The following RGN variants were observed in gnomAD, a reference collection of about 807,000 sequenced individuals.
RGN encodes the protein regucalcin.
A neutral mutation model predicts 20.6 loss-of-function variants in RGN; 19 were observed. That is an observed-to-expected ratio of 0.92 (90% CI 0.64 to 1.35). The LOEUF is 1.35. Ranked by LOEUF, RGN falls within the 40% of genes most tolerant of loss-of-function variation. The pLI, the probability that RGN is intolerant of heterozygous loss-of-function variation, is 0.00. For synonymous variants in RGN, 85 were observed against 87.2 expected, an observed-to-expected ratio of 0.97 and a Z score of 0.14; for missense variants, 302 against 232.7, an observed-to-expected ratio of 1.30 and a Z score of -1.94.
At position 47,092,894 on chromosome X, in the gene RGN, C is replaced by A; in HGVS notation, c.850-3C>A. 1.7e-6 allele frequency: 2 copies of A among 1,201,706 alleles called. No homozygotes were observed. Among genetic ancestry groups the A allele is most frequent in the Non-Finnish European group, 2.3e-6 (2 of 886,993 alleles). ...TGAGATTCCCTCTTTTCTTTTTCAA[C>A]AGATAACTGGTCTGGGGGTCAAAGG... On this transcript the variant is annotated splice_region_variant and splice_polypyrimidine_tract_variant and intron_variant, in intron 7 of 7. Transcript: ENST00000397180.
intron 3 of RGN, among the ~76,000 whole-genome samples, chrX:47,081,749 G>A (rs1427797068): frequency 3.6e-5 from 4 of 110,929 alleles, no homozygotes; most frequent in African/African-American, 1.3e-4. Flanking sequence ...GTTTCACCAT[G>A]TTGCCCAGGC....
At chrX:47,081,655 C>T (rs1208241167) in intron 3 of RGN, among the ~76,000 whole-genome samples, 2 of 110,370 alleles carry the variant, frequency 1.8e-5, no homozygotes, top group Non-Finnish European at 3.8e-5. Context: ...CTCAAGGGAT[C>T]CTCCTGCCTC....
intron 5 of RGN, 115 bp downstream of exon 5, chrX:47,090,106 C>T (rs1930879201): frequency 2.2e-6 from 1 of 455,826 alleles, no homozygotes; most frequent in East Asian, 3.8e-5. Flanking sequence ...AAATGGAGAG[C>T]TTTCTGATGC....
Position 47,089,925 on chromosome X carries a change from T to C in RGN, c.496T>C (p.Tyr166His). 1 of 1,209,943 alleles carries C rather than the reference T, an allele frequency of 8.3e-7. No individual in the cohort carries two copies. The highest frequency in any genetic ancestry group is 1.1e-6 in the Non-Finnish European group (1 of 894,353). Residue 166 changes from tyrosine to histidine, a missense_variant, in exon 5 of 8, where the codon TAT (tyrosine) becomes CAT (histidine). Coordinates refer to ENST00000397180, the MANE Select transcript of RGN (RefSeq NM_152869.4). ...TTGGTCGCTAGACCACAAAATCTTC[T>C]ATTACATTGACAGCCTGTCCTACTC... is the stretch of plus-strand genomic sequence containing the variant. Reference protein sequence around the residue: ...LDWSLDHKIFYYIDSLSYSVD... With the variant: ...LDWSLDHKIFHYIDSLSYSVD...
chrX:47,078,761 C>T (rs1474086817), intron 1 of RGN, 52 bp downstream of exon 1: 3 of 110,648 alleles, frequency 2.7e-5, no homozygotes, highest in Non-Finnish European at 5.7e-5. Flanking sequence ...CTCCCTGCTG[C>T]CCAGCCACCC....
At chrX:47,088,654 G>A (rs1050815906) in intron 4 of RGN, among the ~76,000 whole-genome samples, 3 of 109,941 alleles carry the variant, frequency 2.7e-5, no homozygotes, top group East Asian at 2.9e-4. Flanking sequence ...TCCTTTGGCC[G>A]GGCGCGGTGG....
chrX:47,080,983 C>A, intron 2 of RGN, 47 bp downstream of exon 2: 2 of 410,678 alleles, frequency 4.9e-6, no homozygotes, highest in Non-Finnish European at 8.6e-6. Context: ...CAGCTCTTTT[C>A]TTTTGCCTAT....
chrX:47,088,659 C>T (rs1930716202), intron 4 of RGN, among the ~76,000 whole-genome samples: 1 of 109,737 alleles, frequency 9.1e-6, no homozygotes, highest in South Asian at 3.9e-4. Context: ...TGGCCGGGCG[C>T]GGTGGCTCAA....
At chrX:47,079,535 A>G (rs1602438255) in intron 1 of RGN, among the ~76,000 whole-genome samples, 1 of 105,065 alleles carries the variant, frequency 9.5e-6, no homozygotes, top group Admixed American at 1.0e-4. Context: ...GGTTCAAACG[A>G]TTCTCCTGCT....
Position 47,084,603 on chromosome X carries a change from A to G in RGN, c.346+3A>G, listed in dbSNP as rs372645399. 8.6e-6 allele frequency: 10 copies of G among 1,169,274 alleles called. No individual in the cohort carries two copies. The highest frequency in any genetic ancestry group is 1.8e-5 in the African/African-American group (1 of 56,326). ...TCCCGCCGGGAGGTACTTTGCTGGT[A>G]AGATTTCTCTTAACACCTACTTATT... On this transcript the variant is annotated splice_donor_region_variant and intron_variant, in intron 4 of 7. Transcript: ENST00000397180.
intron 4 of RGN, among the ~76,000 whole-genome samples, chrX:47,089,554 C>A (rs1569540562): frequency 2.6e-5 from 2 of 76,992 alleles, no homozygotes; most frequent in Middle Eastern, 6.6e-3. Context: ...ATTATATACA[C>A]TTATATATAC....
intron 4 of RGN, 136 bp downstream of exon 4, chrX:47,084,736 A>C: frequency 1.9e-6 from 1 of 513,687 alleles, no homozygotes; most frequent in Non-Finnish European, 3.1e-6. Context: ...AGTAGGTCGC[A>C]TGAGCCCAGG....
chrX:47,081,946 G>A (rs1210939164), intron 3 of RGN, among the ~76,000 whole-genome samples: 1 of 111,903 alleles, frequency 8.9e-6, no homozygotes, highest in African/African-American at 3.2e-5. Flanking sequence ...TATCTGCCTT[G>A]GGTCAGGCCA....
chrX:47,079,166 G>A (rs1930169276), intron 1 of RGN, among the ~76,000 whole-genome samples: 1 of 108,775 alleles, frequency 9.2e-6, no homozygotes, highest in South Asian at 4.0e-4. Flanking sequence ...TCACCATGTT[G>A]CCCAGGCTGG....
intron 7 of RGN, 55 bp downstream of exon 7, chrX:47,092,270 GGTAA>G: frequency 1.0e-6 from 1 of 994,241 alleles, no homozygotes; most frequent in Admixed American, 3.1e-5. Context: ...TACTTACAGG[GGTAA>G]GTAACTGAGT....
chrX:47,081,522 T>TGG (rs111659497), intron 3 of RGN, among the ~76,000 whole-genome samples: 2 of 83,556 alleles, frequency 2.4e-5, no homozygotes, highest in Non-Finnish European at 4.7e-5. Context: ...AGTTTTTTTT[T>TGG]GGGGGGGGGG....
rs782046267 is a variant in RGN, at chrX:47,081,177, A to G, written c.33A>G (p.Pro11=). The change falls in exon 3 of 8, where the codon CCA becomes CCG. Residue 11 remains proline (P), a synonymous_variant. Transcript: ENST00000397180. MSSIKIECVL[P]ENCRCGESPV... ...CCATTAAGATTGAGTGTGTTTTGCC[A>G]GAGAACTGCCGGTGTGGTGAGTCTC... 8.3e-7 allele frequency: 1 copy of G among 1,206,848 alleles called. No individual in the cohort carries two copies. The highest frequency in any genetic ancestry group is 2.2e-5 in the Admixed American group (1 of 45,990).
intron 4 of RGN, among the ~76,000 whole-genome samples, chrX:47,088,492 T>C (rs1556385165): frequency 9.0e-6 from 1 of 110,848 alleles, no homozygotes; most frequent in Non-Finnish European, 1.9e-5. Flanking sequence ...CCATCTACAT[T>C]GTCTCTGGCA....
intron 4 of RGN, among the ~76,000 whole-genome samples, chrX:47,088,567 T>A (rs1299237262): frequency 9.0e-6 from 1 of 110,693 alleles, no homozygotes; most frequent in Non-Finnish European, 1.9e-5. Flanking sequence ...GATTTCCATG[T>A]TTCTTTGTGT....
Sources: allele counts gnomAD v4.1 joint callset (sites outside exome capture counted in the v4.1 genomes callset), GRCh38; gene constraint gnomAD v4.1.1; transcripts MANE v1.5; gene names NCBI Gene and HGNC (gene_info 2026-07-23, HGNC 2026-07-21).